RALYL: variants seen among roughly 807,000 people sequenced by gnomAD.
The protein encoded by RALYL is RALY RNA binding protein like.
A neutral mutation model predicts 35.1 loss-of-function variants in RALYL; 29 were observed. That is an observed-to-expected ratio of 0.83 (90% CI 0.61 to 1.13). The LOEUF is 1.13. RALYL is among the 50% of genes most tolerant of loss of function. The pLI is 0.00. For missense variants in RALYL, 359 were observed against 360.4 expected (o/e 1.00, Z 0.03); for synonymous variants, 120 against 127.6 (o/e 0.94, Z 0.40).
chr8:84,860,283 T>C (rs778020380), intron 5 of RALYL, among the ~76,000 whole-genome samples: 3 of 152,236 alleles, frequency 2.0e-5, no homozygotes, highest in Non-Finnish European at 4.4e-5. Flanking sequence ...TAGATTGGCT[T>C]GTTTAGTGAA....
chr8:84,560,852 G>A (rs564666984), intron 2 of RALYL, among the ~76,000 whole-genome samples: 30 of 151,802 alleles, frequency 2.0e-4, no homozygotes, highest in African/African-American at 6.8e-4. Flanking sequence ...AAATGCCCTT[G>A]GCTAACTCTC....
chr8:84,729,926 T>C (rs1245506957), intron 2 of RALYL, among the ~76,000 whole-genome samples: 2 of 152,090 alleles, frequency 1.3e-5, no homozygotes, highest in East Asian at 1.9e-4. Flanking sequence ...CAGGACCAGA[T>C]GGATTCACAG....
At chr8:84,608,081 T>C (rs1817544381) in intron 2 of RALYL, among the ~76,000 whole-genome samples, 1 of 152,114 alleles carries the variant, frequency 6.6e-6, no homozygotes, top group South Asian at 2.1e-4. Flanking sequence ...ACAAGCTGTT[T>C]ATGGACATGC....
chr8:84,485,222 A>G (rs1278679758), intron 1 of RALYL, among the ~76,000 whole-genome samples: 1 of 152,084 alleles, frequency 6.6e-6, no homozygotes, highest in Admixed American at 6.6e-5. Flanking sequence ...CCAAACTCAT[A>G]TATTAAACTA....
intron 2 of RALYL, among the ~76,000 whole-genome samples, chr8:84,614,625 G>T (rs1217404953): frequency 6.6e-6 from 1 of 151,498 alleles, no homozygotes; most frequent in East Asian, 1.9e-4. Context: ...TGTACTTGTA[G>T]TTTTTGCCCT....
At chr8:84,473,010 T>A (rs2052964460) in intron 1 of RALYL, among the ~76,000 whole-genome samples, 1 of 152,060 alleles carries the variant, frequency 6.6e-6, no homozygotes, top group Non-Finnish European at 1.5e-5. Flanking sequence ...CACTCAAAAG[T>A]GGTGAAAAAA....
chr8:84,425,761 T>G (rs1375056616), intron 1 of RALYL, among the ~76,000 whole-genome samples: 2 of 151,086 alleles, frequency 1.3e-5, no homozygotes, highest in African/African-American at 4.9e-5. Flanking sequence ...CAGCATCAAT[T>G]TTTAGAAAGC....
intron 4 of RALYL, among the ~76,000 whole-genome samples, chr8:84,821,192 T>C (rs1828444485): frequency 6.6e-6 from 1 of 152,218 alleles, no homozygotes; most frequent in Non-Finnish European, 1.5e-5. Flanking sequence ...CAGCATTTAT[T>C]TCAGACAGTT....
chr8:84,666,838 A>T (rs1432039723), intron 2 of RALYL, among the ~76,000 whole-genome samples: 1 of 152,080 alleles, frequency 6.6e-6, no homozygotes, highest in Non-Finnish European at 1.5e-5. Context: ...GAGTTTATTC[A>T]TGTATTTATT....
chr8:84,421,096 A>C (rs1335829288), intron 1 of RALYL, among the ~76,000 whole-genome samples: 1 of 139,742 alleles, frequency 7.2e-6, no homozygotes, highest in East Asian at 2.0e-4. Flanking sequence ...AATCATTGGT[A>C]GCTTGATGGG....
chr8:84,210,411 A>G (rs1270908301), intron 1 of RALYL, among the ~76,000 whole-genome samples: 16 of 151,830 alleles, frequency 1.1e-4, no homozygotes, highest in Admixed American at 1.1e-3. Flanking sequence ...ATATCACCAC[A>G]GGACCAGTAG....
chr8:84,625,490 C>G (rs1015076443), intron 2 of RALYL, among the ~76,000 whole-genome samples: 1 of 152,144 alleles, frequency 6.6e-6, no homozygotes, highest in African/African-American at 2.4e-5. Context: ...TGGTAAGTAT[C>G]AAGAAGCTCA....
intron 2 of RALYL, among the ~76,000 whole-genome samples, chr8:84,641,806 A>AC (rs1210751887): frequency 6.6e-6 from 1 of 151,386 alleles, no homozygotes; most frequent in Non-Finnish European, 1.5e-5. Flanking sequence ...AAAAAAAAAA[A>AC]AACTCATATA....
At chr8:84,903,648 A>G (rs1165250787) in intron 8 of RALYL, among the ~76,000 whole-genome samples, 1 of 152,194 alleles carries the variant, frequency 6.6e-6, no homozygotes, top group Non-Finnish European at 1.5e-5. Flanking sequence ...GTTCTTAAAT[A>G]GCCTTGCACG....
rs144185873 is a variant in RALYL at position 84,435,608 on chromosome 8, T to C, written c.-23-93691T>C. On this transcript the variant is annotated intron_variant, in intron 1 of 8. Coordinates refer to ENST00000521268, the MANE Select transcript of RALYL (RefSeq NM_173848.7). ...CCCACCATATAACAAGATTGGATCA[T>C]GTGAAGTGCTGTGCTTAAAACTTAA... Among the ~76,000 whole-genome samples, 1,185 of 152,218 alleles carry C rather than the reference T, an allele frequency of 7.8e-3. 8 individuals carry two copies. The highest frequency in any genetic ancestry group is 9.7e-3 in the Non-Finnish European group (661 of 67,998).
chr8:84,458,765 A>G (rs2050419366), intron 1 of RALYL, among the ~76,000 whole-genome samples: 1 of 151,824 alleles, frequency 6.6e-6, no homozygotes, highest in African/African-American at 2.4e-5. Context: ...AGTTAACCTA[A>G]CAAAACAAAA....
chr8:84,895,565 T>A (rs1844612976), intron 8 of RALYL, among the ~76,000 whole-genome samples: 1 of 152,176 alleles, frequency 6.6e-6, no homozygotes, highest in African/African-American at 2.4e-5. Context: ...CAAGCTGGAG[T>A]GCAGTGGCGT....
chr8:84,372,884 C>CTGTTTTTTTTTTTTTGTTT (rs1856053757), intron 1 of RALYL, among the ~76,000 whole-genome samples: 2 of 18,726 alleles, frequency 1.1e-4, no homozygotes, highest in Non-Finnish European at 9.8e-5. Context: ...ATGCCAGCAT[C>CTGTTTTTTTTTTTTTGTTT]TGTTTTTTTT....
intron 1 of RALYL, among the ~76,000 whole-genome samples, chr8:84,437,947 T>C (rs2047919685): frequency 6.6e-6 from 1 of 152,140 alleles, no homozygotes; most frequent in South Asian, 2.1e-4. Context: ...CCTCTTTTCA[T>C]TATCAATTAC....
Sources: gnomAD v4.1 joint callset for allele counts (sites outside exome capture counted in the v4.1 genomes callset) on GRCh38, gnomAD v4.1.1 for gene constraint, MANE v1.5 for transcripts, NCBI Gene and HGNC (gene_info 2026-07-23, HGNC 2026-07-21) for gene names.